ZFP14: variants seen among roughly 807,000 people sequenced by gnomAD.
The protein encoded by ZFP14 is zinc finger protein 14 homolog.
ZFP14 carries 22 observed loss-of-function variants against 54.5 expected under a neutral mutation model. That is an observed-to-expected ratio of 0.40 (90% CI 0.29 to 0.58). The LOEUF (loss-of-function observed/expected upper bound fraction) is 0.58. Among genes scored for constraint, ZFP14 ranks in the 20% least tolerant of loss-of-function variants. The probability of loss-of-function intolerance (pLI) is 0.39; values close to 1 mark genes in which losing one functional copy is unlikely to be tolerated. For synonymous variants in ZFP14, 159 were observed against 204.0 expected, an observed-to-expected ratio of 0.78 and a Z score of 1.88; for missense variants, 470 against 637.8, an observed-to-expected ratio of 0.74 and a Z score of 2.83.
intron 4 of ZFP14, among the ~76,000 whole-genome samples, chr19:36,353,641 T>A (rs1241899883): frequency 8.1e-6 from 1 of 124,020 alleles, no homozygotes; most frequent in Admixed American, 9.2e-5. Context: ...GAGGTTGCAG[T>A]GAGCCGAGAT....
chr19:36,368,749 G>A (rs2031834436), intron 1 of ZFP14, among the ~76,000 whole-genome samples: 1 of 152,096 alleles, frequency 6.6e-6, no homozygotes, highest in Non-Finnish European at 1.5e-5. Flanking sequence ...CCAATGTGAG[G>A]CTACCCTTGC....
At chr19:36,372,270 A>T (rs2145563944) in intron 1 of ZFP14, among the ~76,000 whole-genome samples, 1 of 152,168 alleles carries the variant, frequency 6.6e-6, no homozygotes, top group East Asian at 1.9e-4. Context: ...AATGACACAG[A>T]CCAGAAAGCC....
rs397698582 is a variant in ZFP14 at position 36,365,657 on chromosome 19, T to TA, written c.9+2226dup. On this transcript the variant is annotated intron_variant, in intron 2 of 4. Transcript: ENST00000270001. ...TTTCCTGGATGTTATTTTTGTTTTTTAAAAAAAAGCATTGTATTGGATCAG... is the reference window on the plus strand; with the variant it reads ...TTTCCTGGATGTTATTTTTGTTTTTTAAAAAAAAAGCATTGTATTGGATCAG... Among the ~76,000 whole-genome samples the TA allele has an allele frequency of 4.5e-3, 686 of 151,100 alleles. 6 individuals are homozygous for TA. Among genetic ancestry groups the TA allele is most frequent in the South Asian group, 0.012 (57 of 4,800 alleles).
chr19:36,340,172 A>AT lies in ZFP14; in HGVS notation c.*51dup, dbSNP rs1207721942. 1 of 1,472,744 alleles carries AT rather than the reference A, an allele frequency of 6.8e-7. No homozygotes were observed. The highest frequency in any genetic ancestry group is 1.4e-5 in the African/African-American group (1 of 71,168). The allele number at this position is 1,472,744 out of a possible 1,614,324, so 91.2% of individuals were successfully genotyped here. A position where few individuals can be genotyped will look rare whatever the true frequency, so the allele number is the denominator to read the frequency against. ...GAGCATGAAACACATTTTCTCAAAA[A>AT]TGAATTTTCTGATGTTCTGTAACAT... On this transcript the variant is annotated 3_prime_UTR_variant, in exon 5 of 5. Coordinates refer to ENST00000270001, the MANE Select transcript of ZFP14 (RefSeq NM_020917.3). This position sits in a 1 kb window ranked among gnomAD's most constrained non-coding sequence, Gnocchi z 5.4.
rs888021215 is a variant in ZFP14, at chr19:36,338,513, C to A, written c.*1711G>T. 1 of 150,090 alleles carries A rather than the reference C, an allele frequency of 6.7e-6. No homozygotes were observed. The highest frequency in any genetic ancestry group is 2.5e-5 in the African/African-American group (1 of 40,488). The allele number at this position is 150,090 out of a possible 1,614,324, so 9.3% of individuals were successfully genotyped here. A position where few individuals can be genotyped will look rare whatever the true frequency, so the allele number is the denominator to read the frequency against. On this transcript the variant is annotated 3_prime_UTR_variant, in exon 5 of 5. Coordinates refer to ENST00000270001, the MANE Select transcript of ZFP14 (RefSeq NM_020917.3). ...CCAGCCTGGGCAACATAGTGAGACCCTTTCTCTAAAAAAAAAAAAAAAATT... is the reference window on the plus strand; with the variant it reads ...CCAGCCTGGGCAACATAGTGAGACCATTTCTCTAAAAAAAAAAAAAAAATT...
chr19:36,365,622 T>C (rs2031782087), intron 2 of ZFP14, among the ~76,000 whole-genome samples: 1 of 148,282 alleles, frequency 6.7e-6, no homozygotes, highest in Non-Finnish European at 1.5e-5. Flanking sequence ...ATTTGGGATA[T>C]AACAAGATTT....
chr19:36,341,161 T>C lies in ZFP14; in HGVS notation c.665A>G (p.His222Arg). 2.5e-6 allele frequency: 4 copies of C among 1,614,162 alleles called. No homozygotes were observed. The highest frequency in any genetic ancestry group is 3.4e-6 in the Non-Finnish European group (4 of 1,180,022). ...ACATTCATAGGGTTTCTCACCGGTGTGAAGTTTGTGATGTCGAATAAGATG... is the reference window on the plus strand; with the variant it reads ...ACATTCATAGGGTTTCTCACCGGTGCGAAGTTTGTGATGTCGAATAAGATG... ...RAHLIRHHKL[H>R]TGEKPYECKE... is the part of the protein sequence containing the mutation. Residue 222 changes from histidine to arginine, a missense_variant, in exon 5 of 5, where the codon CAC becomes CGC. By Grantham distance (29) the His-to-Arg change is conservative. Transcript: ENST00000270001. This position sits in a 1 kb window ranked among gnomAD's most constrained non-coding sequence, Gnocchi z 4.2.
At chr19:36,363,451 T>C (rs2031743555) in intron 2 of ZFP14, among the ~76,000 whole-genome samples, 1 of 151,934 alleles carries the variant, frequency 6.6e-6, no homozygotes, top group Non-Finnish European at 1.5e-5. Flanking sequence ...CGCCTCGGCT[T>C]CCCAAAGTGC....
Position 36,337,585 on chromosome 19 carries a change from G to C in ZFP14, c.*2639C>G, listed in dbSNP as rs951189261. On this transcript the variant is annotated 3_prime_UTR_variant, in exon 5 of 5. Coordinates refer to ENST00000270001, the MANE Select transcript of ZFP14 (RefSeq NM_020917.3). The stretch of plus-strand genomic sequence containing the variant: ...CTATGCCATTTTATACAAGGGACTT[G>C]AGCATCCTCAGATTTTACCATCAGT... The C allele has an allele frequency of 6.6e-6, 1 of 152,058 alleles. No individual in the cohort carries two copies. Among genetic ancestry groups the C allele is most frequent in the East Asian group, 1.9e-4 (1 of 5,200 alleles). The allele number at this position is 152,058 out of a possible 1,614,324, so 9.4% of individuals were successfully genotyped here.
chr19:36,357,352 T>C (rs2031632847), intron 4 of ZFP14, among the ~76,000 whole-genome samples: 1 of 152,202 alleles, frequency 6.6e-6, no homozygotes. Context: ...CTGATTTTTT[T>C]ATTTTTATGG....
intron 3 of ZFP14, among the ~76,000 whole-genome samples, chr19:36,361,885 T>G (rs2145556238): frequency 6.6e-6 from 1 of 152,308 alleles, no homozygotes; most frequent in Non-Finnish European, 1.5e-5. Flanking sequence ...TTTGCCATAT[T>G]CAAATCCATC....
intron 1 of ZFP14, among the ~76,000 whole-genome samples, chr19:36,368,677 C>T (rs1377977902): frequency 6.6e-6 from 1 of 152,156 alleles, no homozygotes; most frequent in Admixed American, 6.5e-5. Flanking sequence ...CCCTAGAATC[C>T]TGCCTGAACT....
Position 36,376,082 on chromosome 19 carries a change from G to C in ZFP14, c.-80+3081C>G, listed in dbSNP as rs1218037824. 2.0e-5 allele frequency among the ~76,000 whole-genome samples: 3 copies of C among 151,996 alleles called. No individual in the cohort carries two copies. The East Asian group carries it at 5.8e-4, about 29-fold the overall frequency. On this transcript the variant is annotated intron_variant, in intron 1 of 4. Coordinates refer to ENST00000270001, the MANE Select transcript of ZFP14 (RefSeq NM_020917.3). ...GCTTTTATTTTTCTGCATGATATTA[G>C]ACAGGTTACTTTCCAGTTCCCCATA... is the stretch of plus-strand genomic sequence containing the variant.
At chr19:36,360,737 CTAAGGCCA>C (rs2031696979) in intron 3 of ZFP14, among the ~76,000 whole-genome samples, 1 of 152,104 alleles carries the variant, frequency 6.6e-6, no homozygotes, top group African/African-American at 2.4e-5. Context: ...ATTAAGTATA[CTAAGGCCA>C]TTATATTAAC....
rs1286476739 is a variant in ZFP14, at chr19:36,354,653, A to T, written c.235+5782T>A. 2.1e-5 allele frequency among the ~76,000 whole-genome samples: 3 copies of T among 141,258 alleles called. 1 individual carries two copies. Among genetic ancestry groups the T allele is most frequent in the African/African-American group, 7.8e-5 (3 of 38,478 alleles). The allele number at this position is 141,258 out of a possible 152,430, so 92.7% of individuals were successfully genotyped here. A position where few individuals can be genotyped will look rare whatever the true frequency, so the allele number is the denominator to read the frequency against. On this transcript the variant is annotated intron_variant, in intron 4 of 4. Coordinates refer to ENST00000270001, the MANE Select transcript of ZFP14 (RefSeq NM_020917.3). ...CACTATTCAAGTATCACCTCCTCAA[A>T]ATGTCCTGACCACCCTATTTAAAAC...
At position 36,337,926 on chromosome 19, in the gene ZFP14, G is replaced by GA. The variant is rs1191925979; in HGVS notation, c.*2297dup. 1.3e-5 allele frequency: 2 copies of GA among 152,142 alleles called. No homozygotes were observed. The highest frequency in any genetic ancestry group is 4.8e-5 in the African/African-American group (2 of 41,434). 9.4% of individuals were successfully genotyped at this position (152,142 alleles called of 1,614,324 possible). ...GGACCCATTATTCCATTAAGGTCTA[G>GA]AAAATGGTGATTTTTCTAATCCTCT... On this transcript the variant is annotated 3_prime_UTR_variant, in exon 5 of 5. Transcript: ENST00000270001.
At position 36,341,193 on chromosome 19, in the gene ZFP14, C is replaced by T. The variant is rs2031306748; in HGVS notation, c.633G>A (p.Gln211=). The change falls in exon 5 of 5, where the codon CAG becomes CAA. Residue 211 remains glutamine (Q), a synonymous_variant. Transcript: ENST00000270001. This position sits in a 1 kb window ranked among gnomAD's most constrained non-coding sequence, Gnocchi z 4.2. Reference sequence around the variant, plus strand: ...TGTGATGTCGAATAAGATGTGCACGCTGTCTAAAGGCCTGCCCACATTCCT... The same window carrying T: ...TGTGATGTCGAATAAGATGTGCACGTTGTCTAAAGGCCTGCCCACATTCCT... ...KCKECGQAFR[Q]RAHLIRHHKL... The T allele has an allele frequency of 6.2e-7, 1 of 1,614,066 alleles. No homozygotes were observed.
intron 1 of ZFP14, among the ~76,000 whole-genome samples, chr19:36,371,779 G>C (rs986095702): frequency 6.6e-6 from 1 of 152,040 alleles, no homozygotes; most frequent in African/African-American, 2.4e-5. Context: ...AACATAGCGA[G>C]ACTCATCTCT....
At chr19:36,362,284 C>T (rs1400840699) in intron 2 of ZFP14, 46 bp from the exon 3 acceptor site, 5 of 1,559,286 alleles carry the variant, frequency 3.2e-6, no homozygotes, top group East Asian at 2.3e-5. Context: ...AAATTAAATA[C>T]TTTTAAAATG....
Sources: allele counts gnomAD v4.1 joint callset (sites outside exome capture counted in the v4.1 genomes callset), GRCh38; gene constraint gnomAD v4.1.1; non-coding constraint Gnocchi (gnomAD v3.1); transcripts MANE v1.5; gene names NCBI Gene and HGNC (gene_info 2026-07-23, HGNC 2026-07-21).